FAT1: variants seen among roughly 807,000 people sequenced by gnomAD.
FAT1 encodes protocadherin Fat 1.
A neutral mutation model predicts 329.8 loss-of-function variants in FAT1; 171 were observed. The observed-to-expected ratio is 0.52, with a 90% confidence interval of 0.46 to 0.59. The LOEUF is 0.59. Among genes scored for constraint, FAT1 ranks in the 20% least tolerant of loss-of-function variants. FAT1 has a pLI of 0.00. For missense variants in FAT1, 5,672 were observed against 5,774.4 expected, an observed-to-expected ratio of 0.98 and a Z score of 0.57; for synonymous variants, 2,233 against 2,228.6, an observed-to-expected ratio of 1.00 and a Z score of -0.06.
intron 26 of FAT1, 40 bp from the exon 27 acceptor site, chr4:186,589,260 T>C (rs769688611): frequency 6.4e-7 from 1 of 1,553,612 alleles, no homozygotes; most frequent in Non-Finnish European, 8.7e-7. Context: ...TGTTTTCTCC[T>C]AAGCTTTTGT....
intron 25 of FAT1, 26 bp from the exon 26 acceptor site, chr4:186,595,852 A>G: frequency 1.2e-6 from 2 of 1,613,364 alleles, no homozygotes; most frequent in Non-Finnish European, 1.7e-6. Context: ...ACAAACAGTA[A>G]GTATATGGGC....
chr4:186,689,410 A>G (rs1325038572), intron 2 of FAT1, among the ~76,000 whole-genome samples: 2 of 152,156 alleles, frequency 1.3e-5, no homozygotes, highest in Non-Finnish European at 2.9e-5. Context: ...TTCTTTTTGC[A>G]TTCACATCCA....
intron 2 of FAT1, among the ~76,000 whole-genome samples, chr4:186,692,956 T>C (rs1743856990): frequency 6.6e-6 from 1 of 152,140 alleles, no homozygotes; most frequent in African/African-American, 2.4e-5. Flanking sequence ...TCCAATTCCT[T>C]TGGGGGTAAG....
chr4:186,642,653 G>T (rs1741157662), intron 3 of FAT1, among the ~76,000 whole-genome samples: 1 of 152,154 alleles, frequency 6.6e-6, no homozygotes, highest in Admixed American at 6.5e-5. Flanking sequence ...GCAATGGGTG[G>T]CTACGTGCTG....
At chr4:186,671,891 T>C (rs1164934439) in intron 2 of FAT1, among the ~76,000 whole-genome samples, 1 of 152,112 alleles carries the variant, frequency 6.6e-6, no homozygotes, top group Non-Finnish European at 1.5e-5. Flanking sequence ...TATTTACTAC[T>C]GTGGACTAAA....
Position 186,590,032 on chromosome 4 carries a change from A to G in FAT1, c.13139-812T>C, listed in dbSNP as rs560783940. ...ACAATTGAACAAGCGTTGCAAGATT[A>G]TAACACAGCCTCTGATACACTGTAA... On this transcript the variant is annotated intron_variant, in intron 26 of 26. Coordinates refer to ENST00000441802, the MANE Select transcript of FAT1 (RefSeq NM_005245.4). 3.9e-5 allele frequency among the ~76,000 whole-genome samples: 6 copies of G among 152,354 alleles called. 1 individual carries two copies. In the South Asian group the frequency reaches 1.0e-3, roughly 26 times the overall value.
At chr4:186,679,416 CAAAAAAAA>C (rs1169141587) in intron 2 of FAT1, among the ~76,000 whole-genome samples, 9 of 50,310 alleles carry the variant, frequency 1.8e-4, no homozygotes, top group African/African-American at 4.8e-4. Context: ...GACTCTGTCT[CAAAAAAAA>C]AAAAAAAAAA....
In FAT1 at chr4:186,609,119, C is replaced by A. The variant is rs973346950; in HGVS notation, c.10206+64G>T. On this transcript the variant is annotated intron_variant, in intron 16 of 26. Transcript: ENST00000441802. ...ACACCACGCCCAGCAGACAAGAGCACAAGGCATTTCTAGTTATTGATGTGG... is the reference window on the plus strand; with the variant it reads ...ACACCACGCCCAGCAGACAAGAGCAAAAGGCATTTCTAGTTATTGATGTGG... The A allele has an allele frequency of 1.9e-5, 30 of 1,572,112 alleles. No individual in the cohort carries two copies. The East Asian group carries it at 6.7e-4, about 35-fold the overall frequency.
chr4:186,595,626 T>G (rs1738462395), intron 26 of FAT1, 63 bp downstream of exon 26: 45 of 1,584,638 alleles, frequency 2.8e-5, no homozygotes, highest in Middle Eastern at 2.1e-4. Context: ...GTCTACATTG[T>G]GAGATAACAC....
intron 2 of FAT1, among the ~76,000 whole-genome samples, chr4:186,690,359 A>C (rs1224670881): frequency 1.3e-5 from 2 of 152,240 alleles, no homozygotes; most frequent in Non-Finnish European, 2.9e-5. Context: ...GTGAATGATC[A>C]GAGACGTAGC....
intron 22 of FAT1, among the ~76,000 whole-genome samples, 195 bp from the exon 23 acceptor site, chr4:186,598,320 G>C (rs921145801): frequency 1.3e-5 from 2 of 152,174 alleles, no homozygotes; most frequent in African/African-American, 4.8e-5. Context: ...GAATTGAAGA[G>C]AGAACTCAGT....
chr4:186,678,937 A>C (rs890176134), intron 2 of FAT1, among the ~76,000 whole-genome samples: 4 of 152,228 alleles, frequency 2.6e-5, no homozygotes, highest in Admixed American at 2.0e-4. Flanking sequence ...AAGACATGGA[A>C]CCAATTCAAA....
chr4:186,671,463 C>T (rs981509055), intron 2 of FAT1, among the ~76,000 whole-genome samples: 1 of 152,020 alleles, frequency 6.6e-6, no homozygotes, highest in African/African-American at 2.4e-5. Flanking sequence ...TTTGGGAGGC[C>T]GAGGCTGGCA....
At chr4:186,606,563 G>A (rs1319263656) in intron 16 of FAT1, among the ~76,000 whole-genome samples, 12 of 152,190 alleles carry the variant, frequency 7.9e-5, no homozygotes, top group East Asian at 1.9e-4. Context: ...CTGTTGCTTC[G>A]GTAAGATGGG....
chr4:186,659,560 G>A (rs1231615018), intron 3 of FAT1, among the ~76,000 whole-genome samples: 3 of 152,018 alleles, frequency 2.0e-5, no homozygotes, highest in Non-Finnish European at 4.4e-5. Context: ...AGCGGCTGTG[G>A]CACCTGTCCC....
chr4:186,636,447 G>T (rs1164247101), intron 5 of FAT1, 138 bp downstream of exon 5: 13 of 960,990 alleles, frequency 1.4e-5, no homozygotes, highest in Non-Finnish European at 2.0e-5. Flanking sequence ...ACGTTATCCG[G>T]CATTGCCTAA....
Position 186,615,830 on chromosome 4 carries a change from G to A in FAT1, c.9075+1175C>T, listed in dbSNP as rs116373789. The stretch of plus-strand genomic sequence containing the variant: ...CAATTTTCAGCTATCCAGAGACAAC[G>A]CCAAGTTTCCACACCTTTCCCTAAT... On this transcript the variant is annotated intron_variant, in intron 11 of 26. Transcript: ENST00000441802. Among the ~76,000 whole-genome samples, 498 of 152,144 alleles carry A rather than the reference G, an allele frequency of 3.3e-3. 3 individuals carry two copies. The highest frequency in any genetic ancestry group is 0.011 in the African/African-American group (472 of 41,500).
intron 9 of FAT1, among the ~76,000 whole-genome samples, chr4:186,627,802 C>T (rs1444694625): frequency 6.6e-6 from 1 of 152,168 alleles, no homozygotes; most frequent in African/African-American, 2.4e-5. Context: ...AGGCAAGCAG[C>T]TTCCTAAGTG....
intron 9 of FAT1, among the ~76,000 whole-genome samples, chr4:186,624,708 C>A (rs939313333): frequency 2.6e-5 from 4 of 152,184 alleles, no homozygotes; most frequent in Admixed American, 6.5e-5. Context: ...TGCAGTGTTA[C>A]GTACTGAATT....
Sources: allele counts gnomAD v4.1 joint callset (sites outside exome capture counted in the v4.1 genomes callset), GRCh38; gene constraint gnomAD v4.1.1; transcripts MANE v1.5; gene names NCBI Gene and HGNC (gene_info 2026-07-23, HGNC 2026-07-21).